The following RALB variants were observed in gnomAD, a reference collection of about 807,000 sequenced individuals.
RALB encodes the protein ras-related protein Ral-B.
A neutral mutation model predicts 21.3 loss-of-function variants in RALB; 16 were observed. That is an observed-to-expected ratio of 0.75 (90% confidence interval 0.51 to 1.14). RALB has a LOEUF of 1.14. Ranked by LOEUF, RALB falls within the 50% of genes most tolerant of loss-of-function variation. The probability of loss-of-function intolerance (pLI) is 0.00; values close to 1 mark genes in which losing one functional copy is unlikely to be tolerated. For missense variants in RALB, 161 were observed against 256.2 expected, an observed-to-expected ratio of 0.63 and a Z score of 2.54; for synonymous variants, 93 against 96.1, an observed-to-expected ratio of 0.97 and a Z score of 0.19.
At chr2:120,253,076 CGG>C in intron 1 of RALB, 96 bp downstream of exon 1, 1 of 830,370 alleles carries the variant, frequency 1.2e-6, no homozygotes, top group Non-Finnish European at 1.5e-6. Context: ...CCCTCCGTGC[CGG>C]GCTGTGGCCG....
chr2:120,290,718 A>G (rs750712585), intron 4 of RALB, among the ~76,000 whole-genome samples: 1 of 152,048 alleles, frequency 6.6e-6, no homozygotes, highest in Non-Finnish European at 1.5e-5. Context: ...TTGAGTGACA[A>G]TGATGAATGC....
At chr2:120,249,579 C>A (rs1689022161), upstream of RALB, among the ~76,000 whole-genome samples, 1 of 151,968 alleles carries the variant, frequency 6.6e-6, no homozygotes, top group Non-Finnish European at 1.5e-5. Context: ...TCTTAAACAA[C>A]CAGACCTTGT....
chr2:120,263,916 C>T (rs565736127), intron 1 of RALB, among the ~76,000 whole-genome samples: 21 of 151,908 alleles, frequency 1.4e-4, no homozygotes, highest in African/African-American at 2.9e-4. Context: ...GGTGCGATCT[C>T]GGCTCACTGC....
chr2:120,293,310 G>C lies in RALB; in HGVS notation c.*50G>C. The C allele has an allele frequency of 6.5e-7, 1 of 1,537,136 alleles. No homozygotes were observed. The highest frequency in any genetic ancestry group is 8.7e-7 in the Non-Finnish European group (1 of 1,144,246). On this transcript the variant is annotated 3_prime_UTR_variant, in exon 5 of 5. Transcript: ENST00000272519. ...GCTGCTCCTAAGGACACAGGGCTGG[G>C]TTGGTAAAGAGAAGGCTATGGTTGA...
intron 2 of RALB, among the ~76,000 whole-genome samples, chr2:120,283,710 G>A (rs895914401): frequency 2.6e-5 from 4 of 152,228 alleles, no homozygotes; most frequent in African/African-American, 9.6e-5. Context: ...GCAGCTTAGA[G>A]GAAAGTCAGC....
chr2:120,286,489 A>G (rs1193061480), intron 3 of RALB, among the ~76,000 whole-genome samples: 1 of 152,242 alleles, frequency 6.6e-6, no homozygotes, highest in Non-Finnish European at 1.5e-5. Context: ...TTATGAAACA[A>G]TGACTGGAAA....
chr2:120,283,931 T>C (rs1471032808), intron 2 of RALB, among the ~76,000 whole-genome samples: 1 of 152,184 alleles, frequency 6.6e-6, no homozygotes, highest in Non-Finnish European at 1.5e-5. Context: ...TTTCATTGAG[T>C]ACAGAGGTAT....
intron 1 of RALB, among the ~76,000 whole-genome samples, chr2:120,278,380 G>A (rs1046351461): frequency 5.9e-5 from 9 of 152,174 alleles, no homozygotes; most frequent in African/African-American, 1.9e-4. Flanking sequence ...CCAGTGAGGC[G>A]GGCGTGGGGT....
At chr2:120,289,855 C>A in intron 4 of RALB, 98 bp downstream of exon 4, 1 of 1,152,630 alleles carries the variant, frequency 8.7e-7, no homozygotes, top group Non-Finnish European at 1.2e-6. Context: ...TTTATGAAAA[C>A]TAGGTGAAGA....
At chr2:120,278,139 G>GTGTGTGAGCGTGT (rs1467838894) in intron 1 of RALB, among the ~76,000 whole-genome samples, 3 of 151,978 alleles carry the variant, frequency 2.0e-5, no homozygotes, top group Admixed American at 6.6e-5. Flanking sequence ...ATGTGAGAGC[G>GTGTGTGAGCGTGT]TGTGTGAGCG....
At position 120,293,191 on chromosome 2, in the gene RALB, C is replaced by G. The variant is rs1352735357; in HGVS notation, c.552C>G (p.Asn184Lys). ...TCAGAACAAAGAAGATGTCAGAAAA[C>G]AAAGACAAGAATGGCAAGAAAAGCA... ...REIRTKKMSENKDKNGKKSSK... is the reference protein window; with the variant it reads ...REIRTKKMSEKKDKNGKKSSK... Residue 184 changes from asparagine (N) to lysine (K), a missense_variant, in exon 5 of 5, where the codon AAC becomes AAG. Physicochemically the swap from Asn to Lys is moderately conservative, Grantham distance 94 (BLOSUM62 0). Coordinates refer to ENST00000272519, the MANE Select transcript of RALB (RefSeq NM_002881.3). 6.2e-7 allele frequency: 1 copy of G among 1,613,336 alleles called. No individual in the cohort carries two copies. Among genetic ancestry groups the G allele is most frequent in the Admixed American group, 1.7e-5 (1 of 59,864 alleles).
chr2:120,286,590 A>G (rs1398929362), intron 3 of RALB, among the ~76,000 whole-genome samples: 1 of 152,184 alleles, frequency 6.6e-6, no homozygotes, highest in Non-Finnish European at 1.5e-5. Context: ...GAGTCAGGAG[A>G]CCTGGTTTGA....
chr2:120,277,394 T>C (rs908911680), intron 1 of RALB, among the ~76,000 whole-genome samples: 2 of 151,308 alleles, frequency 1.3e-5, no homozygotes, highest in Non-Finnish European at 2.9e-5. Context: ...CATGTATGTG[T>C]GAGAGCATGT....
chr2:120,268,525 T>C (rs1422036899), intron 1 of RALB, among the ~76,000 whole-genome samples: 1 of 152,224 alleles, frequency 6.6e-6, no homozygotes, highest in Non-Finnish European at 1.5e-5. Context: ...CTTACACCTG[T>C]AATCCCAGCT....
intron 1 of RALB, among the ~76,000 whole-genome samples, chr2:120,270,900 C>T (rs1283773331): frequency 6.6e-6 from 1 of 152,156 alleles, no homozygotes; most frequent in African/African-American, 2.4e-5. Flanking sequence ...TGATTATGGC[C>T]TACTAGGTGA....
intron 3 of RALB, among the ~76,000 whole-genome samples, chr2:120,288,428 T>C (rs796506353): frequency 2.7e-5 from 4 of 149,378 alleles, no homozygotes; most frequent in African/African-American, 9.9e-5. Flanking sequence ...CAAGTGTTCC[T>C]CCCTCCTCAG....
intron 2 of RALB, 152 bp downstream of exon 2, chr2:120,278,930 T>A: frequency 1.7e-6 from 1 of 587,062 alleles, no homozygotes; most frequent in Non-Finnish European, 2.6e-6. Context: ...TAGGAAGGTC[T>A]AATCAGCATA....
intron 1 of RALB, among the ~76,000 whole-genome samples, chr2:120,262,100 A>G (rs1382942184): frequency 6.6e-6 from 1 of 152,190 alleles, no homozygotes; most frequent in Non-Finnish European, 1.5e-5. Flanking sequence ...GCAGACCAGA[A>G]GCAGATGTCC....
intron 1 of RALB, among the ~76,000 whole-genome samples, chr2:120,274,631 G>A (rs949477136): frequency 2.0e-5 from 3 of 152,100 alleles, no homozygotes; most frequent in South Asian, 2.1e-4. Flanking sequence ...TAAAATTCTG[G>A]TATACACAGT....
Sources: gnomAD v4.1 joint callset for allele counts (sites outside exome capture counted in the v4.1 genomes callset) on GRCh38, gnomAD v4.1.1 for gene constraint, MANE v1.5 for transcripts, NCBI Gene and HGNC (gene_info 2026-07-23, HGNC 2026-07-21) for gene names.